The following PHF20 variants were observed in gnomAD, a reference collection of about 807,000 sequenced individuals.
PHF20 encodes glioma-expressed antigen 2.
In PHF20, 23 loss-of-function variants were observed where a neutral mutation model predicts 113.5. The observed-to-expected ratio is 0.20, with a 90% CI of 0.15 to 0.29. PHF20 has a LOEUF of 0.29. PHF20 is among the 10% of genes least tolerant of loss of function. PHF20 has a pLI of 1.00. For missense variants in PHF20, 943 were observed against 1,219.6 expected, an observed-to-expected ratio of 0.77 and a Z score of 3.38; for synonymous variants, 434 against 457.3, an observed-to-expected ratio of 0.95 and a Z score of 0.65.
intron 4 of PHF20, among the ~76,000 whole-genome samples, chr20:35,848,348 A>G (rs910492635): frequency 6.6e-6 from 1 of 151,600 alleles, no homozygotes; most frequent in Non-Finnish European, 1.5e-5. Flanking sequence ...GCTCACTGCA[A>G]CCTCCATCTC....
intron 9 of PHF20, among the ~76,000 whole-genome samples, chr20:35,873,837 C>A (rs1276627542): frequency 1.3e-5 from 2 of 152,128 alleles, no homozygotes; most frequent in African/African-American, 4.8e-5. Context: ...TGGTATACAT[C>A]CTTAACTTCT....
At chr20:35,784,163 C>T (rs532386014) in intron 1 of PHF20, among the ~76,000 whole-genome samples, 175 of 151,362 alleles carry the variant, frequency 1.2e-3, no homozygotes, top group African/African-American at 4.2e-3. Context: ...AAGCGATTCT[C>T]CTGCCTTAAC....
chr20:35,844,250 G>T (rs532358593), intron 3 of PHF20, among the ~76,000 whole-genome samples: 1 of 151,568 alleles, frequency 6.6e-6, no homozygotes, highest in South Asian at 2.1e-4. Context: ...CTACAGGTGC[G>T]TGCCACCACA....
intron 1 of PHF20, among the ~76,000 whole-genome samples, chr20:35,786,417 C>T (rs940134291): frequency 6.7e-6 from 1 of 148,800 alleles, no homozygotes; most frequent in Non-Finnish European, 1.5e-5. Flanking sequence ...ATAAGACTTC[C>T]CCTAGGCTGT....
intron 17 of PHF20, 105 bp from the exon 18 acceptor site, chr20:35,947,380 C>T: frequency 8.0e-7 from 1 of 1,244,276 alleles, no homozygotes; most frequent in Non-Finnish European, 1.1e-6. Context: ...GCCCTTCCTC[C>T]CTTGCCCCAT....
intron 17 of PHF20, among the ~76,000 whole-genome samples, chr20:35,945,013 G>A (rs1472633993): frequency 1.3e-5 from 2 of 152,076 alleles, no homozygotes; most frequent in African/African-American, 4.8e-5. Context: ...TTTTACTAAT[G>A]GTTTTCAAGC....
At chr20:35,838,431 A>G (rs2042479798) in intron 2 of PHF20, 1 of 152,106 alleles carries the variant, frequency 6.6e-6, no homozygotes, top group Non-Finnish European at 1.5e-5. Flanking sequence ...TAGCCCACGC[A>G]TTTAAAAACA....
At chr20:35,822,714 T>C (rs1046951935) in intron 2 of PHF20, among the ~76,000 whole-genome samples, 5 of 151,658 alleles carry the variant, frequency 3.3e-5, no homozygotes, top group African/African-American at 1.2e-4. Context: ...GGCTTGCACC[T>C]GTAGTCCTAG....
intron 17 of PHF20, among the ~76,000 whole-genome samples, chr20:35,945,776 T>A (rs1204958257): frequency 6.6e-6 from 1 of 152,142 alleles, no homozygotes; most frequent in East Asian, 1.9e-4. Flanking sequence ...AGAACAAACA[T>A]CTTTCTGTAG....
intron 2 of PHF20, among the ~76,000 whole-genome samples, chr20:35,814,656 G>C (rs2042035281): frequency 6.8e-6 from 1 of 147,324 alleles, no homozygotes; most frequent in Non-Finnish European, 1.5e-5. Context: ...GGTGGATCAC[G>C]AGGTCAGGAG....
intron 2 of PHF20, among the ~76,000 whole-genome samples, chr20:35,805,466 T>C (rs1369771411): frequency 6.6e-6 from 1 of 151,174 alleles, no homozygotes; most frequent in African/African-American, 2.4e-5. Flanking sequence ...CACTGCAAGC[T>C]CCGCCTCCCG....
chr20:35,920,706 T>G (rs755508902), intron 13 of PHF20, among the ~76,000 whole-genome samples: 7 of 152,164 alleles, frequency 4.6e-5, no homozygotes, highest in Non-Finnish European at 1.0e-4. Flanking sequence ...TGACCAACCC[T>G]TCCCCAGCAC....
At chr20:35,878,807 T>G in intron 9 of PHF20, 1 of 630,188 alleles carries the variant, frequency 1.6e-6, no homozygotes, top group Non-Finnish European at 2.9e-6. Context: ...AGTTACGTAT[T>G]ATTGTTGAAA....
intron 13 of PHF20, 54 bp from the exon 14 acceptor site, chr20:35,927,726 T>C (rs1330016354): frequency 7.1e-7 from 1 of 1,400,754 alleles, no homozygotes; most frequent in South Asian, 1.2e-5. Context: ...GTCTTACTTT[T>C]GGATGGAGAA....
intron 1 of PHF20, among the ~76,000 whole-genome samples, chr20:35,781,964 A>G (rs899420480): frequency 2.0e-5 from 3 of 150,782 alleles, no homozygotes; most frequent in South Asian, 4.1e-4. Context: ...AAAAAAAATT[A>G]TAACTCTGTA....
At position 35,947,591 on chromosome 20, in the gene PHF20, C is replaced by T; in HGVS notation, c.3003C>T (p.Gly1001=). The T allele has an allele frequency of 1.2e-6, 2 of 1,614,070 alleles. No individual in the cohort carries two copies. The highest frequency in any genetic ancestry group is 1.7e-6 in the Non-Finnish European group (2 of 1,180,018). ...TCAAGCAGCTGCTGATGGACCTGGG[C>T]AAGGTGCAGCAGATCGCCCTCTGCT... ...HCIKQLLMDL[G]KVQQIALCCS... The change falls in exon 18 of 18, where the codon GGC becomes GGT. Residue 1001 remains glycine, a synonymous_variant. Transcript: ENST00000374012.
At chr20:35,858,785 C>T (rs2042883956) in intron 5 of PHF20, among the ~76,000 whole-genome samples, 1 of 152,102 alleles carries the variant, frequency 6.6e-6, no homozygotes, top group African/African-American at 2.4e-5. Flanking sequence ...ATTGGTCAGG[C>T]TGGTCTCGAA....
chr20:35,826,107 C>T (rs1036645322), intron 2 of PHF20, among the ~76,000 whole-genome samples: 2 of 152,086 alleles, frequency 1.3e-5, no homozygotes, highest in African/African-American at 4.8e-5. Flanking sequence ...GGCAGTGGCA[C>T]GTTCTCGGCT....
At chr20:35,797,922 C>T (rs1484874016) in intron 1 of PHF20, among the ~76,000 whole-genome samples, 1 of 151,926 alleles carries the variant, frequency 6.6e-6, no homozygotes, top group Non-Finnish European at 1.5e-5. Flanking sequence ...AGTGCTGGGA[C>T]TACAGGCATG....
Sources: allele counts gnomAD v4.1 joint callset (sites outside exome capture counted in the v4.1 genomes callset), GRCh38; gene constraint gnomAD v4.1.1; transcripts MANE v1.5; gene names NCBI Gene and HGNC (gene_info 2026-07-23, HGNC 2026-07-21).